The following ITCH variants were observed in gnomAD, a reference collection of about 807,000 sequenced individuals.
The protein encoded by ITCH is E3 ubiquitin-protein ligase Itchy homolog.
ITCH carries 28 observed loss-of-function variants against 126.8 expected under a neutral mutation model. That is an observed-to-expected ratio of 0.22 (90% CI 0.16 to 0.30). The LOEUF is 0.30. Among genes scored for constraint, ITCH ranks in the 10% least tolerant of loss-of-function variants. The pLI is 1.00. For synonymous variants in ITCH, 342 were observed against 340.0 expected (o/e 1.01, Z -0.06); for missense variants, 631 against 1,032.4 (o/e 0.61, Z 5.33).
intron 13 of ITCH, 33 bp from the exon 14 acceptor site, chr20:34,462,060 A>AT (rs765468080): frequency 1.2e-6 from 2 of 1,608,454 alleles, no homozygotes; most frequent in East Asian, 2.2e-5. Flanking sequence ...ACTCTTTAAT[A>AT]TTTTTGTTTA....
chr20:34,462,341 G>A, intron 14 of ITCH, 120 bp downstream of exon 14: 1 of 1,027,944 alleles, frequency 9.7e-7, no homozygotes, highest in Non-Finnish European at 1.5e-6. Context: ...TTGACAATAG[G>A]TTTCTGTTCA....
intron 12 of ITCH, among the ~76,000 whole-genome samples, chr20:34,453,539 G>A (rs1454965083): frequency 6.6e-6 from 1 of 152,160 alleles, no homozygotes; most frequent in African/African-American, 2.4e-5. Context: ...CAAGGCTATA[G>A]TGCGCTGTGA....
intron 2 of ITCH, among the ~76,000 whole-genome samples, chr20:34,374,105 T>C (rs898768474): frequency 1.3e-5 from 2 of 151,998 alleles, no homozygotes; most frequent in African/African-American, 4.8e-5. Flanking sequence ...GGATGGACTT[T>C]TTATTTTTTA....
chr20:34,480,297 G>A (rs552317719), intron 18 of ITCH, among the ~76,000 whole-genome samples: 32 of 151,468 alleles, frequency 2.1e-4, no homozygotes, highest in African/African-American at 6.1e-4. Flanking sequence ...TCCCAGGTTC[G>A]AGCAATTCTC....
intron 7 of ITCH, among the ~76,000 whole-genome samples, chr20:34,434,362 G>A (rs1274001353): frequency 6.6e-6 from 1 of 152,166 alleles, no homozygotes; most frequent in East Asian, 1.9e-4. Context: ...AAAGAGTATA[G>A]TGAAGGAAAG....
chr20:34,375,696 ATTTTTTTTTTTT>A lies in ITCH; in HGVS notation c.-22+6250_-22+6261del, dbSNP rs5841171. Among the ~76,000 whole-genome samples the A allele has an allele frequency of 1.1e-3, 73 of 65,552 alleles. 1 individual carries two copies. In the South Asian group the frequency reaches 0.012, roughly 10 times the overall value. 43.0% of individuals were successfully genotyped at this position (65,552 alleles called of 152,430 possible). A position where few individuals can be genotyped will look rare whatever the true frequency, so the allele number is the denominator to read the frequency against. On this transcript the variant is annotated intron_variant, in intron 2 of 24. Coordinates refer to ENST00000374864, the MANE Select transcript of ITCH (RefSeq NM_031483.7). ...CACTCACAATGTATTGGTAGTTAAA[ATTTTTTTTTTTT>A]TTTTTTTTTTTTTTTTTTTTTTTAC...
chr20:34,481,822 C>A (rs986817871), intron 20 of ITCH, among the ~76,000 whole-genome samples: 4 of 152,130 alleles, frequency 2.6e-5, no homozygotes, highest in Non-Finnish European at 4.4e-5. Flanking sequence ...ACCATCCTGG[C>A]CAACATGGTG....
intron 21 of ITCH, 96 bp from the exon 22 acceptor site, chr20:34,489,726 G>A (rs1392174908): frequency 5.8e-6 from 5 of 858,608 alleles, no homozygotes; most frequent in Non-Finnish European, 8.1e-6. Context: ...CCTACTGATT[G>A]TTATTCTAAA....
Position 34,430,423 on chromosome 20 carries a change from AT to A in ITCH, c.521+5910del, listed in dbSNP as rs534376489. On this transcript the variant is annotated intron_variant, in intron 7 of 24. Transcript: ENST00000374864. The stretch of plus-strand genomic sequence containing the variant: ...AGGTTTGCAAGTAAAGACTTACGGA[AT>A]TTTTTTTTTTTAAAGGAAAGGAATG... Among the ~76,000 whole-genome samples the A allele has an allele frequency of 3.9e-3, 573 of 147,466 alleles. 2 individuals are homozygous for A. The highest frequency in any genetic ancestry group is 0.029 in the South Asian group (138 of 4,708).
chr20:34,425,979 G>C (rs909427090), intron 7 of ITCH, among the ~76,000 whole-genome samples: 1 of 152,232 alleles, frequency 6.6e-6, no homozygotes, highest in African/African-American at 2.4e-5. Flanking sequence ...GTATGGAGGG[G>C]CAGGCCCCCT....
At chr20:34,446,696 C>T (rs184311855) in intron 11 of ITCH, among the ~76,000 whole-genome samples, 1 of 152,180 alleles carries the variant, frequency 6.6e-6, no homozygotes, top group Admixed American at 6.5e-5. Context: ...TGTGGTATGC[C>T]TGGCCAAATT....
At chr20:34,498,169 G>T (rs573427389) in intron 23 of ITCH, among the ~76,000 whole-genome samples, 66 of 152,128 alleles carry the variant, frequency 4.3e-4, no homozygotes, top group African/African-American at 1.5e-3. Flanking sequence ...GCTGATTTTT[G>T]TATGTTGATT....
At chr20:34,387,704 A>ATTTT (rs11477181) in intron 2 of ITCH, among the ~76,000 whole-genome samples, 4 of 148,872 alleles carry the variant, frequency 2.7e-5, no homozygotes, top group Non-Finnish European at 4.5e-5. Context: ...TTGTTACTAG[A>ATTTT]TTTTTTTTTT....
intron 23 of ITCH, among the ~76,000 whole-genome samples, chr20:34,495,781 C>T (rs540080096): frequency 5.3e-5 from 8 of 152,038 alleles, no homozygotes; most frequent in Admixed American, 1.3e-4. Context: ...TACTGATTTC[C>T]TTTTCTTTAG....
intron 12 of ITCH, among the ~76,000 whole-genome samples, chr20:34,453,481 C>A (rs1985496631): frequency 6.6e-6 from 1 of 152,020 alleles, no homozygotes; most frequent in Non-Finnish European, 1.5e-5. Context: ...CCTGTAGTTC[C>A]AGCTACTTGG....
chr20:34,435,714 A>G (rs1424664839), intron 7 of ITCH, among the ~76,000 whole-genome samples: 1 of 152,178 alleles, frequency 6.6e-6, no homozygotes, highest in African/African-American at 2.4e-5. Flanking sequence ...TAAAAAGTAG[A>G]TGAGGGGTTA....
intron 6 of ITCH, among the ~76,000 whole-genome samples, chr20:34,416,075 T>C (rs1475234972): frequency 1.3e-5 from 2 of 149,918 alleles, no homozygotes; most frequent in Non-Finnish European, 3.0e-5. Context: ...TGAGCCAAGA[T>C]AGTGCCACTG....
intron 4 of ITCH, among the ~76,000 whole-genome samples, chr20:34,412,289 G>T (rs1488654978): frequency 6.6e-6 from 1 of 152,178 alleles, no homozygotes; most frequent in Non-Finnish European, 1.5e-5. Flanking sequence ...ATATGTGTAT[G>T]AATTTACTTC....
intron 2 of ITCH, among the ~76,000 whole-genome samples, chr20:34,388,814 A>G (rs940266826): frequency 2.6e-5 from 4 of 152,244 alleles, no homozygotes; most frequent in Non-Finnish European, 5.9e-5. Flanking sequence ...ATGTGAAGTT[A>G]CAAAGAATGT....
Sources: allele counts gnomAD v4.1 joint callset (sites outside exome capture counted in the v4.1 genomes callset), GRCh38; gene constraint gnomAD v4.1.1; transcripts MANE v1.5; gene names NCBI Gene and HGNC (gene_info 2026-07-23, HGNC 2026-07-21).